SLC7A1: variants seen among roughly 807,000 people sequenced by gnomAD.
SLC7A1 encodes the protein high affinity cationic amino acid transporter 1.
In SLC7A1, 10 loss-of-function variants were observed where a neutral mutation model predicts 53.9. That is an observed-to-expected ratio of 0.19 (90% CI 0.11 to 0.31). The LOEUF is 0.31. Among genes scored for constraint, SLC7A1 ranks in the 10% least tolerant of loss-of-function variants. SLC7A1 has a pLI of 1.00. For missense variants in SLC7A1, 525 were observed against 827.2 expected (o/e 0.63, Z 4.48); for synonymous variants, 342 against 338.7 (o/e 1.01, Z -0.11).
chr13:29,553,477 G>A (rs958853039), intron 2 of SLC7A1, among the ~76,000 whole-genome samples: 10 of 152,168 alleles, frequency 6.6e-5, no homozygotes, highest in African/African-American at 1.7e-4. Flanking sequence ...CTGGCCAGCC[G>A]TAGGATATGA....
chr13:29,530,983 A>G (rs893145517), intron 4 of SLC7A1, among the ~76,000 whole-genome samples: 19 of 152,136 alleles, frequency 1.2e-4, no homozygotes, highest in African/African-American at 4.6e-4. Context: ...CCCAAGGGGC[A>G]CCCGAGAACT....
intron 3 of SLC7A1, among the ~76,000 whole-genome samples, chr13:29,534,484 G>A (rs936777422): frequency 6.6e-6 from 1 of 152,198 alleles, no homozygotes; most frequent in African/African-American, 2.4e-5. Flanking sequence ...AAAACATTGT[G>A]AATTTTATTT....
At chr13:29,580,681 G>A (rs548224430) in intron 1 of SLC7A1, among the ~76,000 whole-genome samples, 4 of 152,278 alleles carry the variant, frequency 2.6e-5, no homozygotes, top group South Asian at 2.1e-4. Flanking sequence ...GCCCAACTGC[G>A]AAGTTTCACC....
chr13:29,521,641 C>A (rs1868635905), intron 8 of SLC7A1, among the ~76,000 whole-genome samples: 1 of 152,194 alleles, frequency 6.6e-6, no homozygotes, highest in South Asian at 2.1e-4. Context: ...GAGACATAGA[C>A]CACAGGTACA....
chr13:29,562,236 A>C (rs1318225560), intron 1 of SLC7A1, among the ~76,000 whole-genome samples: 2 of 152,204 alleles, frequency 1.3e-5, no homozygotes, highest in Non-Finnish European at 2.9e-5. Flanking sequence ...ATTCGTCTCC[A>C]CGTGAGAATG....
Position 29,514,417 on chromosome 13 carries a change from C to A in SLC7A1, c.*63G>T, listed in dbSNP as rs1194948076. The A allele has an allele frequency of 1.6e-6, 2 of 1,222,354 alleles. No homozygotes were observed. The highest frequency in any genetic ancestry group is 4.7e-5 in the East Asian group (2 of 42,226). 75.7% of individuals were successfully genotyped at this position (1,222,354 alleles called of 1,614,324 possible). ...TTGCACTGGTGGGGAGGGTGGGGTG[C>A]CTCCCGGTCCTCTGGGGGCGTCCCT... On this transcript the variant is annotated 3_prime_UTR_variant, in exon 13 of 13. Coordinates refer to ENST00000380752, the MANE Select transcript of SLC7A1 (RefSeq NM_003045.5).
At position 29,517,305 on chromosome 13, in the gene SLC7A1, G is replaced by C. The variant is rs1359217049; in HGVS notation, c.1516C>G (p.Leu506Val). Residue 506 changes from leucine (L) to valine (V), a missense_variant, in exon 11 of 13, where the codon CTC becomes GTC. By Grantham distance (32) the Leu-to-Val change is conservative (BLOSUM62 1). Transcript: ENST00000380752. Reference protein sequence around the residue: ...VNISTSLIAVLIITFCIVTVL... With the variant: ...VNISTSLIAVVIITFCIVTVL... ...GTCACAATGCAGAAGGTGATGATGA[G>C]AACAGCTAAGGGGGAAGGAAAAGAC... 6.2e-7 allele frequency: 1 copy of C among 1,609,628 alleles called. No individual in the cohort carries two copies. Among genetic ancestry groups the C allele is most frequent in the African/African-American group, 1.3e-5 (1 of 74,776 alleles).
At chr13:29,590,472 G>A (rs2139195498) in intron 1 of SLC7A1, among the ~76,000 whole-genome samples, 1 of 152,246 alleles carries the variant, frequency 6.6e-6, no homozygotes, top group Non-Finnish European at 1.5e-5. Context: ...TGTTTCCCAG[G>A]AGTCCTAGAA....
At chr13:29,570,857 CAAA>C (rs11321368) in intron 1 of SLC7A1, among the ~76,000 whole-genome samples, 52 of 138,950 alleles carry the variant, frequency 3.7e-4, no homozygotes, top group Admixed American at 4.3e-4. Flanking sequence ...GACTTTGTCT[CAAA>C]AAAAAAAAAA....
intron 2 of SLC7A1, among the ~76,000 whole-genome samples, chr13:29,549,091 T>C (rs1870057102): frequency 6.6e-6 from 1 of 152,234 alleles, no homozygotes; most frequent in Non-Finnish European, 1.5e-5. Context: ...GGTTGTACTT[T>C]TCTAATGAGG....
At chr13:29,580,957 G>A (rs1354062280) in intron 1 of SLC7A1, among the ~76,000 whole-genome samples, 1 of 152,058 alleles carries the variant, frequency 6.6e-6, no homozygotes, top group African/African-American at 2.4e-5. Context: ...TCCCACCACC[G>A]CCAGAGCCTC....
chr13:29,552,340 A>G (rs1359307684), intron 2 of SLC7A1, among the ~76,000 whole-genome samples: 2 of 152,304 alleles, frequency 1.3e-5, no homozygotes, highest in African/African-American at 4.8e-5. Context: ...TGAAGACTCC[A>G]TACTCAGTAA....
At chr13:29,571,662 C>A (rs184244654) in intron 1 of SLC7A1, among the ~76,000 whole-genome samples, 12 of 152,332 alleles carry the variant, frequency 7.9e-5, no homozygotes, top group African/African-American at 2.4e-4. Context: ...ACCTATTCCA[C>A]CAGAGGGGCG....
At chr13:29,584,717 TAAGAAAAAAA>T (rs571692796) in intron 1 of SLC7A1, among the ~76,000 whole-genome samples, 32 of 151,996 alleles carry the variant, frequency 2.1e-4, no homozygotes, top group Non-Finnish European at 3.5e-4. Flanking sequence ...ATTTATTTTC[TAAGAAAAAAA>T]AAGAAAAAAC....
At chr13:29,524,677 C>G (rs535719164) in intron 5 of SLC7A1, among the ~76,000 whole-genome samples, 4 of 152,134 alleles carry the variant, frequency 2.6e-5, no homozygotes, top group Admixed American at 6.5e-5. Flanking sequence ...AACTCAATCT[C>G]AAAACAAACA....
Position 29,532,797 on chromosome 13 carries a change from C to T in SLC7A1, c.529+27G>A, listed in dbSNP as rs9579389. The T allele has an allele frequency of 0.087, 138,041 of 1,592,622 alleles. 6,553 individuals carry two copies. The highest frequency in any genetic ancestry group is 0.13 in the Middle Eastern group (783 of 5,974). ...CAAACCTTTGCCCATCACTCTGACC[C>T]GATCTCTTTTTAAGTGTGGGCTTTA... On this transcript the variant is annotated intron_variant, in intron 4 of 12. Transcript: ENST00000380752.
chr13:29,535,874 A>G lies in SLC7A1; in HGVS notation c.315T>C (p.Val105=). The change falls in exon 3 of 13, where the codon GTT becomes GTC. Residue 105 remains valine (V), a synonymous_variant. Transcript: ENST00000380752. ...GSAYLYSYVT[V]GELWAFITGW... ...CGGTGATGAAGGCCCAGAGCTCTCC[A>G]ACGGTGACATAGCTGTAGAGGTAAG... 1 of 1,614,206 alleles carries G rather than the reference A, an allele frequency of 6.2e-7. No individual in the cohort carries two copies. The highest frequency in any genetic ancestry group is 2.2e-5 in the East Asian group (1 of 44,878).
chr13:29,559,795 A>T (rs1320239053), intron 1 of SLC7A1, among the ~76,000 whole-genome samples: 1 of 151,030 alleles, frequency 6.6e-6, no homozygotes, highest in Admixed American at 6.6e-5. Flanking sequence ...GGCTCACTGC[A>T]AGCTCCGCCT....
intron 7 of SLC7A1, 22 bp from the exon 8 acceptor site, chr13:29,522,478 G>C: frequency 1.2e-6 from 2 of 1,613,874 alleles, no homozygotes; most frequent in Non-Finnish European, 1.7e-6. Context: ...GAGGCAAACC[G>C]CGTGAGTGAA....
Sources: allele counts gnomAD v4.1 joint callset (sites outside exome capture counted in the v4.1 genomes callset), GRCh38; gene constraint gnomAD v4.1.1; transcripts MANE v1.5; gene names NCBI Gene and HGNC (gene_info 2026-07-23, HGNC 2026-07-21).